Variants in GALNT5 observed in about 807,000 individuals in gnomAD.
GALNT5 encodes the protein UDP-GalNAc:polypeptide N-acetylgalactosaminyltransferase 5.
A neutral mutation model predicts 85.4 loss-of-function variants in GALNT5; 72 were observed. That is an observed-to-expected ratio of 0.84 (90% CI 0.70 to 1.03). The LOEUF is 1.03. Among genes scored for constraint, GALNT5 ranks in the 50% least tolerant of loss-of-function variants. The pLI, the probability that GALNT5 is intolerant of heterozygous loss-of-function variation, is 0.00. For missense variants in GALNT5, 1,137 were observed against 1,135.5 expected, an observed-to-expected ratio of 1.00 and a Z score of -0.02; for synonymous variants, 404 against 397.0, an observed-to-expected ratio of 1.02 and a Z score of -0.21.
intron 1 of GALNT5, among the ~76,000 whole-genome samples, chr2:157,268,999 C>T (rs16841461): frequency 0.18 from 27,232 of 152,076 alleles, 5,529 homozygotes; most frequent in African/African-American, 0.5. Flanking sequence ...TAAGGAAAAA[C>T]TGAAATAAAG....
intron 8 of GALNT5, among the ~76,000 whole-genome samples, chr2:157,307,541 G>A (rs1005959689): frequency 1.3e-5 from 2 of 152,090 alleles, no homozygotes; most frequent in Non-Finnish European, 2.9e-5. Context: ...ATCACCTGGG[G>A]AGTTTGTTAC....
rs79244438 is a variant in GALNT5 at position 157,304,804 on chromosome 2, A to C, written c.2440-945A>C. Reference sequence around the variant, plus strand: ...GCTAAGCATGTAAAATTGAGGACCAATGTACTGAGCCCCCTTTTATGAAGT... The same window carrying C: ...GCTAAGCATGTAAAATTGAGGACCACTGTACTGAGCCCCCTTTTATGAAGT... On this transcript the variant is annotated intron_variant, in intron 7 of 9. Transcript: ENST00000259056. Among the ~76,000 whole-genome samples, 868 of 152,294 alleles carry C rather than the reference A, an allele frequency of 5.7e-3. 14 individuals carry two copies. The highest frequency in any genetic ancestry group is 0.019 in the African/African-American group (806 of 41,558).
intron 1 of GALNT5, among the ~76,000 whole-genome samples, chr2:157,271,019 A>G (rs893923185): frequency 1.2e-4 from 18 of 152,148 alleles, no homozygotes; most frequent in African/African-American, 3.6e-4. Flanking sequence ...AGGAGGCTGA[A>G]GTAGGAGAAT....
At chr2:157,273,457 T>G (rs528268940) in intron 1 of GALNT5, among the ~76,000 whole-genome samples, 12 of 152,050 alleles carry the variant, frequency 7.9e-5, no homozygotes, top group African/African-American at 2.7e-4. Flanking sequence ...TATCACCAAT[T>G]AACACTTTCG....
At chr2:157,280,061 G>C (rs967282136) in intron 1 of GALNT5, among the ~76,000 whole-genome samples, 5 of 152,152 alleles carry the variant, frequency 3.3e-5, no homozygotes, top group African/African-American at 1.2e-4. Flanking sequence ...GCCTCCCAAA[G>C]CACTGGCATT....
At position 157,290,112 on chromosome 2, in the gene GALNT5, T is replaced by TATATATATACACACAC. The variant is rs1416458086; in HGVS notation, c.1741+3979_1741+3980insTATATATACACACACA. Among the ~76,000 whole-genome samples, 336 of 138,122 alleles carry TATATATATACACACAC rather than the reference T, an allele frequency of 2.4e-3. 1 individual carries two copies. The highest frequency in any genetic ancestry group is 8.6e-3 in the East Asian group (41 of 4,788). The allele number at this position is 138,122 out of a possible 152,430, so 90.6% of individuals were successfully genotyped here. A position where few individuals can be genotyped will look rare whatever the true frequency, so the allele number is the denominator to read the frequency against. ...GTATATATATATATATATATATATA[T>TATATATATACACACAC]ACATACACAAACACATATATACATA... On this transcript the variant is annotated intron_variant, in intron 3 of 9. Transcript: ENST00000259056.
At chr2:157,284,109 G>A (rs950461751) in intron 1 of GALNT5, among the ~76,000 whole-genome samples, 173 bp from the exon 2 acceptor site, 1 of 152,108 alleles carries the variant, frequency 6.6e-6, no homozygotes, top group African/African-American at 2.4e-5. Context: ...AAAGGCACAT[G>A]ATAAATAATA....
intron 1 of GALNT5, among the ~76,000 whole-genome samples, chr2:157,260,261 T>C (rs1419542566): frequency 6.6e-6 from 1 of 152,216 alleles, no homozygotes; most frequent in Non-Finnish European, 1.5e-5. Flanking sequence ...ATGAACTCCA[T>C]ATGAGCCCTG....
In GALNT5 at chr2:157,315,417, A is replaced by G. The variant is rs1027110479; in HGVS notation, c.*4069A>G. Among the ~76,000 whole-genome samples the G allele has an allele frequency of 1.3e-5, 2 of 152,186 alleles. No homozygotes were observed. Among genetic ancestry groups the G allele is most frequent in the African/African-American group, 4.8e-5 (2 of 41,438 alleles). On this transcript the variant is annotated 3_prime_UTR_variant, in exon 10 of 10. Transcript: ENST00000259056. ...ATTTCTCTCACTATACCATGCTGCT[A>G]TATAATTAATTTTCTTCTTTACAAA...
At chr2:157,282,296 C>T (rs1290454316) in intron 1 of GALNT5, among the ~76,000 whole-genome samples, 1 of 151,830 alleles carries the variant, frequency 6.6e-6, no homozygotes, top group East Asian at 1.9e-4. Flanking sequence ...TTCTTAAACT[C>T]ACCAATCAAT....
At chr2:157,274,720 C>T (rs981655095) in intron 1 of GALNT5, among the ~76,000 whole-genome samples, 1 of 152,040 alleles carries the variant, frequency 6.6e-6, no homozygotes, top group South Asian at 2.1e-4. Context: ...TTTGTAGATT[C>T]TGGATATTAG....
chr2:157,298,045 A>C (rs1207996948), intron 5 of GALNT5, among the ~76,000 whole-genome samples: 1 of 152,198 alleles, frequency 6.6e-6, no homozygotes, highest in Non-Finnish European at 1.5e-5. Flanking sequence ...CAGATAACAT[A>C]TAAAGTGCTT....
At chr2:157,283,329 G>A (rs112557804) in intron 1 of GALNT5, among the ~76,000 whole-genome samples, 4,304 of 152,228 alleles carry the variant, frequency 0.028, 215 homozygotes, top group African/African-American at 0.094. Context: ...AATACATTTT[G>A]TGAGGTTCCA....
At chr2:157,304,669 A>G (rs1683415883) in intron 7 of GALNT5, among the ~76,000 whole-genome samples, 5 of 152,186 alleles carry the variant, frequency 3.3e-5, no homozygotes, top group African/African-American at 2.4e-5. Context: ...TCTTCCATCC[A>G]TATGAGGGAA....
At chr2:157,290,369 C>T (rs1683074513) in intron 3 of GALNT5, among the ~76,000 whole-genome samples, 1 of 151,876 alleles carries the variant, frequency 6.6e-6, no homozygotes, top group Admixed American at 6.6e-5. Context: ...AAGGATACAT[C>T]CAATGCTGGG....
intron 7 of GALNT5, among the ~76,000 whole-genome samples, chr2:157,304,102 T>G (rs766895658): frequency 6.6e-6 from 1 of 152,208 alleles, no homozygotes; most frequent in Non-Finnish European, 1.5e-5. Context: ...TCTGCTTCAG[T>G]ACAGAGAGCA....
At chr2:157,290,086 T>A (rs1396009956) in intron 3 of GALNT5, among the ~76,000 whole-genome samples, 2 of 18,310 alleles carry the variant, frequency 1.1e-4, no homozygotes, top group African/African-American at 5.6e-4. Context: ...AAAAAAAAAA[T>A]GTATATATAT....
At position 157,313,669 on chromosome 2, in the gene GALNT5, A is replaced by T. The variant is rs1278047957; in HGVS notation, c.*2321A>T. 6.6e-6 allele frequency: 1 copy of T among 151,986 alleles called. No individual in the cohort carries two copies. Among genetic ancestry groups the T allele is most frequent in the Non-Finnish European group, 1.5e-5 (1 of 67,982 alleles). 9.4% of individuals were successfully genotyped at this position (151,986 alleles called of 1,614,324 possible). On this transcript the variant is annotated 3_prime_UTR_variant, in exon 10 of 10. Coordinates refer to ENST00000259056, the MANE Select transcript of GALNT5 (RefSeq NM_014568.3). ...CCACAAAGAAGTCAACTCTGTTCTGAAAAAAAATGAATTGCATTTTGAATA... is the reference window on the plus strand; with the variant it reads ...CCACAAAGAAGTCAACTCTGTTCTGTAAAAAAATGAATTGCATTTTGAATA...
chr2:157,260,779 G>A lies in GALNT5; in HGVS notation c.1454+1243G>A, dbSNP rs148971212. ...AGAAGAGTCTCTTCATTGTGATGTCGGCTACAACCAGGTCGTTTTCCATCT... is the reference window on the plus strand; with the variant it reads ...AGAAGAGTCTCTTCATTGTGATGTCAGCTACAACCAGGTCGTTTTCCATCT... On this transcript the variant is annotated intron_variant, in intron 1 of 9. Transcript: ENST00000259056. 1.6e-3 allele frequency among the ~76,000 whole-genome samples: 248 copies of A among 152,254 alleles called. 1 individual carries two copies. The highest frequency in any genetic ancestry group is 5.6e-3 in the African/African-American group (233 of 41,534).
Sources: allele counts gnomAD v4.1 joint callset (sites outside exome capture counted in the v4.1 genomes callset), GRCh38; gene constraint gnomAD v4.1.1; transcripts MANE v1.5; gene names NCBI Gene and HGNC (gene_info 2026-07-23, HGNC 2026-07-21).